The following GUCY2C variants were observed in gnomAD, a reference collection of about 807,000 sequenced individuals.
The protein encoded by GUCY2C is guanylate cyclase 2C, also known as guanylyl cyclase C.
A neutral mutation model predicts 131.1 loss-of-function variants in GUCY2C; 118 were observed. That is an observed-to-expected ratio of 0.90 (90% CI 0.78 to 1.05). The LOEUF (loss-of-function observed/expected upper bound fraction) is 1.05, where lower values mean the gene tolerates loss of function less well. Ranked by LOEUF, GUCY2C falls within the 50% of genes least tolerant of loss-of-function variation. The pLI, the probability that GUCY2C is intolerant of heterozygous loss-of-function variation, is 0.00. For synonymous variants in GUCY2C, 452 were observed against 457.8 expected (o/e 0.99, Z 0.16); for missense variants, 1,161 against 1,304.4 (o/e 0.89, Z 1.69).
chr12:14,653,150 A>T, intron 12 of GUCY2C, 136 bp from the exon 13 acceptor site: 1 of 751,558 alleles, frequency 1.3e-6, no homozygotes, highest in Non-Finnish European at 2.4e-6. Context: ...GGCTTCCAGA[A>T]AAACTGTTGT....
At position 14,659,072 on chromosome 12, in the gene GUCY2C, G is replaced by T. The variant is rs563979777; in HGVS notation, c.1364+1909C>A. On this transcript the variant is annotated intron_variant, in intron 11 of 26. Coordinates refer to ENST00000261170, the MANE Select transcript of GUCY2C (RefSeq NM_004963.4). ...TTTCTTTTTTTTTTTTTGAGACGGAGTCTTGCTCTGTTGCCCAGGCTGGAG... is the reference window on the plus strand; with the variant it reads ...TTTCTTTTTTTTTTTTTGAGACGGATTCTTGCTCTGTTGCCCAGGCTGGAG... Among the ~76,000 whole-genome samples, 175 of 150,824 alleles carry T rather than the reference G, an allele frequency of 1.2e-3. 1 individual carries two copies. Among genetic ancestry groups the T allele is most frequent in the Non-Finnish European group, 2.1e-3 (139 of 67,794 alleles).
At chr12:14,689,676 G>A (rs1948540765) in intron 1 of GUCY2C, among the ~76,000 whole-genome samples, 1 of 152,116 alleles carries the variant, frequency 6.6e-6, no homozygotes, top group African/African-American at 2.4e-5. Context: ...GTACATTTTT[G>A]ATATCTCAAA....
rs35046014 is a variant in GUCY2C, at chr12:14,686,935, G to A, written c.331-710C>T. ...ATGTTATTGATTAAAGTTTAGAGCC[G>A]TGGCTCTACTCCCAGTGCTCTGCTG... On this transcript the variant is annotated intron_variant, in intron 2 of 26. Coordinates refer to ENST00000261170, the MANE Select transcript of GUCY2C (RefSeq NM_004963.4). Among the ~76,000 whole-genome samples the A allele has an allele frequency of 1.9e-3, 283 of 152,256 alleles. 1 individual carries two copies. The highest frequency in any genetic ancestry group is 6.8e-3 in the Middle Eastern group (2 of 294).
intron 19 of GUCY2C, among the ~76,000 whole-genome samples, chr12:14,638,510 G>A (rs1425734215): frequency 1.3e-5 from 2 of 152,182 alleles, no homozygotes; most frequent in African/African-American, 2.4e-5. Flanking sequence ...TGCAGGATGT[G>A]TACACAATAG....
chr12:14,615,833 G>A (rs899645012), intron 25 of GUCY2C, among the ~76,000 whole-genome samples: 3 of 151,992 alleles, frequency 2.0e-5, no homozygotes, highest in African/African-American at 7.2e-5. Context: ...CTTTTCCAAG[G>A]TGCAATCCAA....
rs1947930387 is a variant in GUCY2C, at chr12:14,664,497, T to TATATAGTATTTAA, written c.1283-3448_1283-3436dup. Reference sequence around the variant, plus strand: ...GTATTAGATATAATTATAATATTTATATATAGTATTTAAATATACTATTTA... The same window carrying TATATAGTATTTAA: ...GTATTAGATATAATTATAATATTTATATATAGTATTTAAATATAGTATTTAAATATACTATTTA... On this transcript the variant is annotated intron_variant, in intron 10 of 26. Transcript: ENST00000261170. Among the ~76,000 whole-genome samples, 4 of 151,624 alleles carry TATATAGTATTTAA rather than the reference T, an allele frequency of 2.6e-5. No individual in the cohort carries two copies. The East Asian group carries it at 7.7e-4, about 29-fold the overall frequency.
At chr12:14,667,412 C>T (rs140325724) in intron 10 of GUCY2C, among the ~76,000 whole-genome samples, 42 of 152,300 alleles carry the variant, frequency 2.8e-4, no homozygotes, top group African/African-American at 1.0e-3. Flanking sequence ...AATCTGAAGT[C>T]AGCTCAGGAT....
intron 13 of GUCY2C, among the ~76,000 whole-genome samples, 155 bp from the exon 14 acceptor site, chr12:14,652,185 A>ATTTATTTT (rs1465530170): frequency 2.0e-5 from 3 of 151,446 alleles, no homozygotes; most frequent in African/African-American, 4.8e-5. Context: ...TTATTTATTT[A>ATTTATTTT]TTTTTTAAAG....
chr12:14,675,291 A>G (rs1396588302), intron 7 of GUCY2C, among the ~76,000 whole-genome samples: 1 of 151,298 alleles, frequency 6.6e-6, no homozygotes, highest in African/African-American at 2.4e-5. Context: ...TTATGATCCC[A>G]TGTCACAATT....
chr12:14,647,050 A>G (rs1947536807), intron 15 of GUCY2C, among the ~76,000 whole-genome samples: 1 of 152,208 alleles, frequency 6.6e-6, no homozygotes, highest in Non-Finnish European at 1.5e-5. Context: ...GGGAGGCAAG[A>G]GTTTTGGGAA....
intron 16 of GUCY2C, 99 bp from the exon 17 acceptor site, chr12:14,643,805 A>G: frequency 9.9e-7 from 1 of 1,014,566 alleles, no homozygotes; most frequent in Non-Finnish European, 1.5e-6. Context: ...ATTTCAGCAG[A>G]TGGTCACACC....
chr12:14,648,109 C>T (rs1023782477), intron 15 of GUCY2C, among the ~76,000 whole-genome samples: 1 of 151,696 alleles, frequency 6.6e-6, no homozygotes, highest in South Asian at 2.1e-4. Context: ...TACAGGTGCC[C>T]GCCATCATGC....
At position 14,622,157 on chromosome 12, in the gene GUCY2C, G is replaced by A; in HGVS notation, c.2449C>T (p.Pro817Ser). The A allele has an allele frequency of 6.3e-7, 1 of 1,585,258 alleles. No individual in the cohort carries two copies. Among genetic ancestry groups the A allele is most frequent in the Non-Finnish European group, 8.6e-7 (1 of 1,168,656 alleles). ...ATTGTAACTTCCTCATATAGTTCCGGCTCCACAAAGCCTTTCTCCTTCAGA... is the reference window on the plus strand; with the variant it reads ...ATTGTAACTTCCTCATATAGTTCCGACTCCACAAAGCCTTTCTCCTTCAGA... The part of the protein sequence containing the change: ...KSLKEKGFVE[P>S]ELYEEVTIYF... The change falls in exon 22 of 27, where the codon CCG becomes TCG. Residue 817 changes from proline (P) to serine (S), a missense_variant. Transcript: ENST00000261170.
chr12:14,646,133 G>C (rs548528444), intron 15 of GUCY2C, among the ~76,000 whole-genome samples: 1 of 152,224 alleles, frequency 6.6e-6, no homozygotes, highest in South Asian at 2.1e-4. Flanking sequence ...ACCGCGCCCC[G>C]CCTATATCTG....
At chr12:14,615,233 A>T (rs1295542437) in intron 25 of GUCY2C, among the ~76,000 whole-genome samples, 2 of 152,140 alleles carry the variant, frequency 1.3e-5, no homozygotes, top group Admixed American at 6.6e-5. Context: ...CACTCTAGCA[A>T]CATCACAAGA....
intron 15 of GUCY2C, among the ~76,000 whole-genome samples, chr12:14,649,428 A>C (rs565778024): frequency 6.6e-6 from 1 of 152,332 alleles, no homozygotes; most frequent in African/African-American, 2.4e-5. Context: ...TTAAACAAAA[A>C]CATGAACATA....
chr12:14,616,787 T>A, intron 24 of GUCY2C, 60 bp from the exon 25 acceptor site: 1 of 920,908 alleles, frequency 1.1e-6, no homozygotes, highest in Non-Finnish European at 1.8e-6. Flanking sequence ...TTGTTTCCCG[T>A]TGATTCAGGA....
intron 15 of GUCY2C, among the ~76,000 whole-genome samples, chr12:14,646,969 A>G (rs1297466381): frequency 6.6e-6 from 1 of 152,192 alleles, no homozygotes; most frequent in African/African-American, 2.4e-5. Context: ...GACCCCTAAA[A>G]TCTGGGGTTT....
chr12:14,645,233 G>C lies in GUCY2C; in HGVS notation c.1793C>G (p.Ala598Gly). 6.7e-7 allele frequency: 1 copy of C among 1,498,872 alleles called. No individual in the cohort carries two copies. Among genetic ancestry groups the C allele is most frequent in the Non-Finnish European group, 9.3e-7 (1 of 1,078,186 alleles). The allele number at this position is 1,498,872 out of a possible 1,614,324, so 92.8% of individuals were successfully genotyped here. A position where few individuals can be genotyped will look rare whatever the true frequency, so the allele number is the denominator to read the frequency against. Residue 598 changes from alanine (A) to glycine (G), a missense_variant, in exon 16 of 27, where the codon GCT becomes GGT. By Grantham distance (60) the Ala-to-Gly change is moderately conservative. Transcript: ENST00000261170. ...CTGTGTGTGTGTTTCTCTTACCTTAGCAATGTCATACAAGACAGAGATCTT... is the reference window on the plus strand; with the variant it reads ...CTGTGTGTGTGTTTCTCTTACCTTACCAATGTCATACAAGACAGAGATCTT... ...EFKISVLYDIAKGMSYLHSSK... is the reference protein window; with the variant it reads ...EFKISVLYDIGKGMSYLHSSK...
Sources: gnomAD v4.1 joint callset for allele counts (sites outside exome capture counted in the v4.1 genomes callset) on GRCh38, gnomAD v4.1.1 for gene constraint, MANE v1.5 for transcripts, NCBI Gene and HGNC (gene_info 2026-07-23, HGNC 2026-07-21) for gene names.